CADM2: variants seen among roughly 807,000 people sequenced by gnomAD.
CADM2 encodes cell adhesion molecule 2, also known as immunoglobulin superfamily member 4D.
A neutral mutation model predicts 49.8 loss-of-function variants in CADM2; 12 were observed. The ratio of observed to expected loss-of-function variants is 0.24; its 90% confidence interval spans 0.15 to 0.39. The LOEUF is 0.39. Ranked by LOEUF, CADM2 falls within the 10% of genes least tolerant of loss-of-function variation. The pLI is 1.00. For missense variants in CADM2, 378 were observed against 492.3 expected (o/e 0.77, Z 2.20); for synonymous variants, 214 against 175.4 (o/e 1.22, Z -1.74).
At chr3:86,065,252 A>G (rs576425282) in intron 8 of CADM2, among the ~76,000 whole-genome samples, 5 of 152,340 alleles carry the variant, frequency 3.3e-5, no homozygotes, top group African/African-American at 1.2e-4. Flanking sequence ...TGATAACAGT[A>G]TAGTTTTGTT....
At chr3:85,284,615 G>C (rs989344652) in intron 1 of CADM2, among the ~76,000 whole-genome samples, 1 of 152,076 alleles carries the variant, frequency 6.6e-6, no homozygotes, top group African/African-American at 2.4e-5. Context: ...TCCCAGCTGA[G>C]GAAATAGCAA....
At chr3:85,193,390 T>TA (rs1280236083) in intron 1 of CADM2, among the ~76,000 whole-genome samples, 1 of 152,024 alleles carries the variant, frequency 6.6e-6, no homozygotes, top group Non-Finnish European at 1.5e-5. Flanking sequence ...CAGATCTATC[T>TA]AAAAAATTGT....
chr3:85,620,637 C>T (rs2063945746), intron 1 of CADM2, among the ~76,000 whole-genome samples: 1 of 152,010 alleles, frequency 6.6e-6, no homozygotes, highest in South Asian at 2.1e-4. Flanking sequence ...AATCATCAAA[C>T]ACAAAATGTT....
chr3:85,665,141 C>T (rs2065526681), intron 1 of CADM2, among the ~76,000 whole-genome samples: 1 of 151,996 alleles, frequency 6.6e-6, no homozygotes, highest in East Asian at 1.9e-4. Context: ...ATATTAATTA[C>T]AAGCATTTTC....
rs369390630 is a variant in CADM2 at position 85,416,513 on chromosome 3, T to G, written c.62-310009T>G. On this transcript the variant is annotated intron_variant, in intron 1 of 9. Transcript: ENST00000383699. ...TACAACAGAAAAGGGCTTTTGAACT[T>G]GCCCTATGCATTTTAGAAGTGATCT... Among the ~76,000 whole-genome samples the G allele has an allele frequency of 3.3e-4, 50 of 152,324 alleles. No homozygotes were observed. In the East Asian group the frequency reaches 3.5e-3, roughly 11 times the overall value.
At chr3:85,029,445 T>C (rs1164883397) in intron 1 of CADM2, among the ~76,000 whole-genome samples, 1 of 152,212 alleles carries the variant, frequency 6.6e-6, no homozygotes, top group African/African-American at 2.4e-5. Flanking sequence ...GTCCACCTGA[T>C]AAAAGTAGAT....
chr3:85,741,955 T>C (rs1190442104), intron 2 of CADM2, among the ~76,000 whole-genome samples: 1 of 152,226 alleles, frequency 6.6e-6, no homozygotes, highest in East Asian at 1.9e-4. Flanking sequence ...TTATAGCTTT[T>C]ACTTCTTTAG....
intron 5 of CADM2, among the ~76,000 whole-genome samples, chr3:85,886,581 G>A (rs1424177811): frequency 6.6e-6 from 1 of 151,848 alleles, no homozygotes; most frequent in African/African-American, 2.4e-5. Flanking sequence ...GAAAAGTTGA[G>A]GGAATAATTA....
chr3:85,184,398 A>G (rs2041004957), intron 1 of CADM2, among the ~76,000 whole-genome samples: 2 of 152,056 alleles, frequency 1.3e-5, no homozygotes, highest in Non-Finnish European at 2.9e-5. Flanking sequence ...CTGAGAAATG[A>G]CCTAATACTT....
intron 1 of CADM2, among the ~76,000 whole-genome samples, chr3:85,104,104 A>G (rs905930479): frequency 4.0e-5 from 6 of 151,756 alleles, no homozygotes; most frequent in Non-Finnish European, 7.4e-5. Flanking sequence ...TTGGTGTTTT[A>G]GACATGAAGT....
At chr3:85,645,136 A>T (rs182652078) in intron 1 of CADM2, among the ~76,000 whole-genome samples, 1 of 152,244 alleles carries the variant, frequency 6.6e-6, no homozygotes, top group East Asian at 1.9e-4. Flanking sequence ...GAATACATTC[A>T]GCCATCATTT....
chr3:85,553,322 A>G (rs1360621939), intron 1 of CADM2, among the ~76,000 whole-genome samples: 3 of 152,126 alleles, frequency 2.0e-5, no homozygotes, highest in Admixed American at 6.5e-5. Flanking sequence ...TTTTAAACAA[A>G]GAAGATACTA....
chr3:85,903,870 C>G (rs1472223889), intron 5 of CADM2, among the ~76,000 whole-genome samples: 1 of 152,120 alleles, frequency 6.6e-6, no homozygotes, highest in Non-Finnish European at 1.5e-5. Context: ...TAGCTTGATC[C>G]ATTTACATCT....
At chr3:85,525,247 G>T (rs1266454946) in intron 1 of CADM2, among the ~76,000 whole-genome samples, 1 of 152,182 alleles carries the variant, frequency 6.6e-6, no homozygotes. Context: ...GAATCCTCAT[G>T]TATTCAGCAT....
intron 1 of CADM2, among the ~76,000 whole-genome samples, chr3:85,221,338 C>T (rs1345835049): frequency 6.6e-6 from 1 of 152,076 alleles, no homozygotes; most frequent in Non-Finnish European, 1.5e-5. Flanking sequence ...TAATCTCTAT[C>T]TTTTTAGTAT....
At chr3:85,566,749 G>A (rs2062272364) in intron 1 of CADM2, among the ~76,000 whole-genome samples, 1 of 152,136 alleles carries the variant, frequency 6.6e-6, no homozygotes, top group South Asian at 2.1e-4. Context: ...GCACTTTTAA[G>A]CAATCTATGC....
intron 1 of CADM2, among the ~76,000 whole-genome samples, chr3:85,107,651 CTT>C (rs1305571669): frequency 1.4e-5 from 2 of 138,096 alleles, no homozygotes; most frequent in African/African-American, 5.4e-5. Context: ...TTCTTTCTTT[CTT>C]TCTTTTTTTC....
chr3:85,721,049 G>A (rs1370745896), intron 1 of CADM2, among the ~76,000 whole-genome samples: 2 of 152,066 alleles, frequency 1.3e-5, no homozygotes, highest in African/African-American at 2.4e-5. Flanking sequence ...TTTTTTCTCT[G>A]TAAATTCACC....
Position 86,040,112 on chromosome 3 carries a change from A to G in CADM2, c.971-25493A>G, listed in dbSNP as rs1735677031. ...CACCATCATCAAAGACCAAAGGTAG[A>G]AAAAACCACAAAGATGGGGAAAAAA... On this transcript the variant is annotated intron_variant, in intron 8 of 9. Transcript: ENST00000383699. Among the ~76,000 whole-genome samples, 5 of 152,194 alleles carry G rather than the reference A, an allele frequency of 3.3e-5. No individual in the cohort carries two copies. The South Asian group carries it at 6.2e-4, about 19-fold the overall frequency.
Sources: allele counts gnomAD v4.1 joint callset (sites outside exome capture counted in the v4.1 genomes callset), GRCh38; gene constraint gnomAD v4.1.1; transcripts MANE v1.5; gene names NCBI Gene and HGNC (gene_info 2026-07-23, HGNC 2026-07-21).